SHLD1: variants seen among roughly 807,000 people sequenced by gnomAD.
SHLD1 encodes shieldin complex subunit 1.
In SHLD1, 3 loss-of-function variants were observed where a neutral mutation model predicts 5.5. That is an observed-to-expected ratio of 0.54 (90% confidence interval 0.25 to 1.40). The LOEUF is 1.40. Ranked by LOEUF, SHLD1 falls within the 40% of genes most tolerant of loss-of-function variation. The probability of loss-of-function intolerance (pLI) is 0.15; values close to 1 mark genes in which losing one functional copy is unlikely to be tolerated. For missense variants in SHLD1, 210 were observed against 244.4 expected, an observed-to-expected ratio of 0.86 and a Z score of 0.94; for synonymous variants, 92 against 94.3, an observed-to-expected ratio of 0.98 and a Z score of 0.14.
intron 2 of SHLD1, among the ~76,000 whole-genome samples, chr20:5,794,269 G>A (rs80086776): frequency 0.019 from 2,876 of 152,300 alleles, 86 homozygotes; most frequent in African/African-American, 0.065. Flanking sequence ...ACCTGGAGCT[G>A]AGTAGACTTA....
chr20:5,831,727 A>ATC (rs368300547), intron 2 of SHLD1, among the ~76,000 whole-genome samples: 2,743 of 149,888 alleles, frequency 0.018, 37 homozygotes, highest in Non-Finnish European at 0.026. Flanking sequence ...AATCCCTTTG[A>ATC]TCTCTCTCTC....
intron 2 of SHLD1, among the ~76,000 whole-genome samples, chr20:5,773,625 G>A (rs1568495492): frequency 6.6e-6 from 1 of 152,164 alleles, no homozygotes; most frequent in African/African-American, 2.4e-5. Context: ...CTGGAGGCCC[G>A]CAGACCTGGA....
intron 1 of SHLD1, among the ~76,000 whole-genome samples, chr20:5,764,175 T>TATTTTTATATATATATA (rs1491357373): frequency 1.3e-5 from 1 of 76,932 alleles, no homozygotes; most frequent in Non-Finnish European, 2.5e-5. Flanking sequence ...TATATATATA[T>TATTTTTATATATATATA]TTTTATATAT....
intron 2 of SHLD1, among the ~76,000 whole-genome samples, chr20:5,779,883 T>A (rs1287112885): frequency 6.6e-6 from 1 of 151,800 alleles, no homozygotes; most frequent in African/African-American, 2.4e-5. Context: ...AGGGTGAACT[T>A]GGGACCTGGC....
chr20:5,861,426 ATCTG>A (rs995479896), intron 2 of SHLD1, among the ~76,000 whole-genome samples: 17 of 152,236 alleles, frequency 1.1e-4, no homozygotes, highest in African/African-American at 3.9e-4. Context: ...TTCAGCATCC[ATCTG>A]TCTATCTTCA....
chr20:5,853,262 A>G (rs2088034978), intron 2 of SHLD1, among the ~76,000 whole-genome samples: 1 of 152,116 alleles, frequency 6.6e-6, no homozygotes, highest in Non-Finnish European at 1.5e-5. Context: ...CCTGGCCAAC[A>G]TGGCGAAACC....
At chr20:5,799,060 A>G (rs1279239536) in intron 2 of SHLD1, among the ~76,000 whole-genome samples, 2 of 152,108 alleles carry the variant, frequency 1.3e-5, no homozygotes, top group African/African-American at 4.8e-5. Context: ...AAAATTAGCC[A>G]GGCATGGTGG....
At chr20:5,835,343 A>G (rs2087776899) in intron 2 of SHLD1, among the ~76,000 whole-genome samples, 1 of 152,178 alleles carries the variant, frequency 6.6e-6, no homozygotes, top group Non-Finnish European at 1.5e-5. Context: ...AAAAATATCT[A>G]CCATCACACT....
intron 2 of SHLD1, among the ~76,000 whole-genome samples, chr20:5,836,802 G>A (rs540270675): frequency 2.6e-4 from 40 of 152,274 alleles, no homozygotes; most frequent in Non-Finnish European, 1.0e-4. Flanking sequence ...GCATTTTAAT[G>A]CCTCACCCTT....
intron 2 of SHLD1, among the ~76,000 whole-genome samples, chr20:5,794,699 G>A (rs4813778): frequency 0.92 from 140,537 of 152,226 alleles, 64,986 homozygotes; most frequent in East Asian, 1. Flanking sequence ...TAGTCTTATG[G>A]TGAAGGATCC....
intron 2 of SHLD1, among the ~76,000 whole-genome samples, chr20:5,809,227 A>G (rs1254627846): frequency 6.6e-6 from 1 of 152,162 alleles, no homozygotes; most frequent in African/African-American, 2.4e-5. Context: ...CTTAACGTAC[A>G]TGTTTGCACA....
chr20:5,849,416 C>T (rs1010591673), intron 2 of SHLD1, among the ~76,000 whole-genome samples: 2 of 152,132 alleles, frequency 1.3e-5, no homozygotes, highest in Non-Finnish European at 2.9e-5. Context: ...AGGACAAATC[C>T]GTGGAGGTTT....
intron 2 of SHLD1, among the ~76,000 whole-genome samples, chr20:5,777,682 G>A (rs948049366): frequency 4.7e-5 from 7 of 148,950 alleles, no homozygotes; most frequent in Non-Finnish European, 1.0e-4. Context: ...CGATCCTCCC[G>A]CCTCAACCTC....
Position 5,806,128 on chromosome 20 carries a change from A to G in SHLD1, c.178+33085A>G, listed in dbSNP as rs932767545. ...GATTCTCCTGCGTCAGCCTCCCAAA[A>G]TGTTGGGATAATAGGTGTGAGCTAC... On this transcript the variant is annotated intron_variant, in intron 2 of 2. Coordinates refer to ENST00000303142, the MANE Select transcript of SHLD1 (RefSeq NM_152504.4). The surrounding 1 kb of genome is among the most constrained non-coding windows in gnomAD (Gnocchi z 7.6). Among the ~76,000 whole-genome samples the G allele has an allele frequency of 6.6e-6, 1 of 152,150 alleles. No individual in the cohort carries two copies. The highest frequency in any genetic ancestry group is 6.5e-5 in the Admixed American group (1 of 15,272).
intron 2 of SHLD1, among the ~76,000 whole-genome samples, chr20:5,792,999 A>T (rs989643198): frequency 9.9e-5 from 15 of 152,082 alleles, no homozygotes; most frequent in Non-Finnish European, 2.1e-4. Context: ...TTGCATGTGG[A>T]TATGCTGTTT....
intron 1 of SHLD1, among the ~76,000 whole-genome samples, chr20:5,770,545 A>G (rs550733833): frequency 3.9e-5 from 6 of 152,302 alleles, no homozygotes; most frequent in African/African-American, 1.4e-4. Context: ...GTCTTGTTGC[A>G]TGGATGATTT....
At chr20:5,815,301 A>G (rs894764659) in intron 2 of SHLD1, among the ~76,000 whole-genome samples, 1 of 152,156 alleles carries the variant, frequency 6.6e-6, no homozygotes, top group Non-Finnish European at 1.5e-5. Context: ...GATTTTGTAA[A>G]AGCTCAAGTG....
intron 2 of SHLD1, among the ~76,000 whole-genome samples, chr20:5,835,713 A>G (rs760960434): frequency 2.9e-4 from 44 of 152,236 alleles, no homozygotes; most frequent in Non-Finnish European, 5.9e-5. Flanking sequence ...CAGAAATTCA[A>G]AGAGAAGGAT....
At chr20:5,764,136 AAAAATATATATATATTTATATTTAT>A (rs1293614301) in intron 1 of SHLD1, among the ~76,000 whole-genome samples, 2 of 80,178 alleles carry the variant, frequency 2.5e-5, no homozygotes, top group African/African-American at 1.2e-4. Context: ...CAAAAAAAAA[AAAAATATATATATATTTATATTTAT>A]ATATATATAT....
Sources: allele counts gnomAD v4.1 joint callset (sites outside exome capture counted in the v4.1 genomes callset), GRCh38; gene constraint gnomAD v4.1.1; non-coding constraint Gnocchi (gnomAD v3.1); transcripts MANE v1.5; gene names NCBI Gene and HGNC (gene_info 2026-07-23, HGNC 2026-07-21).